RFC3: variants seen among roughly 807,000 people sequenced by gnomAD.
RFC3 encodes A1 38 kDa subunit.
In RFC3, 41 loss-of-function variants were observed where a neutral mutation model predicts 45.1. The ratio of observed to expected loss-of-function variants is 0.91; its 90% confidence interval spans 0.71 to 1.18. RFC3 has a LOEUF of 1.18. Among genes scored for constraint, RFC3 ranks in the 50% most tolerant of loss-of-function variants. The probability of loss-of-function intolerance (pLI) is 0.00; values close to 1 mark genes in which losing one functional copy is unlikely to be tolerated. For synonymous variants in RFC3, 149 were observed against 144.0 expected (o/e 1.03, Z -0.25); for missense variants, 423 against 428.1 (o/e 0.99, Z 0.10).
Position 33,893,668 on chromosome 13 carries a change from T to C in RFC3, c.879+58451T>C, listed in dbSNP as rs551634436. Among the ~76,000 whole-genome samples the C allele has an allele frequency of 3.6e-3, 541 of 152,156 alleles. 4 individuals are homozygous for C. Among genetic ancestry groups the C allele is most frequent in the African/African-American group, 0.012 (507 of 41,530 alleles). ...GCAGAAATTTATCAGACTAATTTTA[T>C]GAAGACTGAAATAATAATAATAAAA... On this transcript the variant is annotated intron_variant, in intron 8 of 8. Transcript: ENST00000434425.
At chr13:33,835,127 C>G in intron 7 of RFC3, 21 bp from the exon 8 acceptor site, 2 of 1,509,914 alleles carry the variant, frequency 1.3e-6, no homozygotes, top group South Asian at 2.4e-5. Flanking sequence ...CACAAAATAC[C>G]AATTATTTTG....
At chr13:33,960,036 C>T (rs1035302108) in intron 8 of RFC3, among the ~76,000 whole-genome samples, 1 of 152,022 alleles carries the variant, frequency 6.6e-6, no homozygotes, top group Non-Finnish European at 1.5e-5. Flanking sequence ...ATGACCAGCT[C>T]CCATGTGAAC....
intron 4 of RFC3, among the ~76,000 whole-genome samples, chr13:33,827,168 A>G (rs916727322): frequency 2.0e-5 from 3 of 152,218 alleles, no homozygotes; most frequent in African/African-American, 7.2e-5. Context: ...TTATGCTAGC[A>G]ATCCCAGTGC....
chr13:33,930,190 A>G (rs527601844), intron 8 of RFC3, among the ~76,000 whole-genome samples: 1 of 152,230 alleles, frequency 6.6e-6, no homozygotes, highest in African/African-American at 2.4e-5. Flanking sequence ...AGGGGAGCTT[A>G]TTAAGGAGTA....
chr13:33,847,439 G>A (rs1291356090), intron 8 of RFC3: 1 of 151,976 alleles, frequency 6.6e-6, no homozygotes, highest in Non-Finnish European at 1.5e-5. Flanking sequence ...GGTGCTATCT[G>A]GCCATCTTGC....
At chr13:33,901,673 T>C (rs1254274959) in intron 8 of RFC3, among the ~76,000 whole-genome samples, 1 of 152,094 alleles carries the variant, frequency 6.6e-6, no homozygotes, top group African/African-American at 2.4e-5. Flanking sequence ...ACGTTTCACG[T>C]GAGCTATAAG....
chr13:33,865,180 G>A (rs1316785893), intron 8 of RFC3, among the ~76,000 whole-genome samples: 1 of 152,054 alleles, frequency 6.6e-6, no homozygotes, highest in Non-Finnish European at 1.5e-5. Flanking sequence ...GGGATATAGT[G>A]GTTTCACAGT....
intron 8 of RFC3, among the ~76,000 whole-genome samples, chr13:33,843,083 C>CA (rs891511882): frequency 1.7e-4 from 25 of 151,056 alleles, no homozygotes; most frequent in Middle Eastern, 6.8e-3. Context: ...AAAAGTAAAA[C>CA]AAAAAAACAA....
chr13:33,867,338 A>C (rs1482798884), intron 8 of RFC3, among the ~76,000 whole-genome samples: 6 of 152,218 alleles, frequency 3.9e-5, no homozygotes, highest in Non-Finnish European at 7.3e-5. Flanking sequence ...TACCTGGTAA[A>C]GTAATGACCC....
At chr13:33,892,953 T>A (rs1181886733) in intron 8 of RFC3, among the ~76,000 whole-genome samples, 6 of 152,118 alleles carry the variant, frequency 3.9e-5, no homozygotes, top group African/African-American at 1.4e-4. Flanking sequence ...AAAAGTGAGA[T>A]CAAGGTGGAC....
At chr13:33,858,441 TC>T (rs1325118778) in intron 8 of RFC3, among the ~76,000 whole-genome samples, 1 of 152,170 alleles carries the variant, frequency 6.6e-6, no homozygotes, top group Non-Finnish European at 1.5e-5. Flanking sequence ...CTGCGGCTAG[TC>T]TGGCAACTTG....
chr13:33,913,153 G>T (rs2082713059), intron 8 of RFC3, among the ~76,000 whole-genome samples: 1 of 152,124 alleles, frequency 6.6e-6, no homozygotes, highest in Non-Finnish European at 1.5e-5. Context: ...AAATATCAGT[G>T]TATGTATGTA....
intron 8 of RFC3, among the ~76,000 whole-genome samples, chr13:33,960,796 C>G (rs1307154902): frequency 6.6e-6 from 1 of 152,200 alleles, no homozygotes; most frequent in Non-Finnish European, 1.5e-5. Context: ...GATGGAGACC[C>G]AGGTGACCCT....
chr13:33,938,087 C>G (rs898029760), intron 8 of RFC3, among the ~76,000 whole-genome samples: 2 of 150,584 alleles, frequency 1.3e-5, no homozygotes, highest in Admixed American at 6.7e-5. Context: ...CAAATCCCTC[C>G]CACTAAGTCC....
chr13:33,937,842 T>C (rs1262660535), intron 8 of RFC3, among the ~76,000 whole-genome samples: 2 of 152,168 alleles, frequency 1.3e-5, no homozygotes, highest in Non-Finnish European at 2.9e-5. Context: ...GCCCTTATCA[T>C]TGTTTTCCAA....
chr13:33,846,624 TG>T, intron 8 of RFC3: 1 of 152,530 alleles, frequency 6.6e-6, no homozygotes, highest in Non-Finnish European at 1.5e-5. Flanking sequence ...GGTGTCTCAC[TG>T]GGTCTTGTGT....
chr13:33,843,338 G>T (rs1170414386), intron 8 of RFC3, among the ~76,000 whole-genome samples: 3 of 151,972 alleles, frequency 2.0e-5, no homozygotes, highest in Admixed American at 2.0e-4. Flanking sequence ...AAAAATAGTG[G>T]TCTCCACAAA....
chr13:33,924,236 T>A (rs2137744020), intron 8 of RFC3, among the ~76,000 whole-genome samples: 1 of 152,234 alleles, frequency 6.6e-6, no homozygotes, highest in South Asian at 2.1e-4. Context: ...ATTCTTTTTT[T>A]CACTTATTTA....
chr13:33,951,330 C>T (rs975956051), intron 8 of RFC3, among the ~76,000 whole-genome samples: 4 of 150,656 alleles, frequency 2.7e-5, no homozygotes. Context: ...CCTCCTGGTT[C>T]AAGCGATTCC....
Sources: allele counts gnomAD v4.1 joint callset (sites outside exome capture counted in the v4.1 genomes callset), GRCh38; gene constraint gnomAD v4.1.1; transcripts MANE v1.5; gene names NCBI Gene and HGNC (gene_info 2026-07-23, HGNC 2026-07-21).